The following SPARC variants were observed in gnomAD, a reference collection of about 807,000 sequenced individuals.
SPARC encodes basement-membrane protein 40.
In SPARC, 23 loss-of-function variants were observed where a neutral mutation model predicts 37.7. The ratio of observed to expected loss-of-function variants is 0.61; its 90% CI spans 0.44 to 0.87. The LOEUF (loss-of-function observed/expected upper bound fraction) is 0.87. Among genes scored for constraint, SPARC ranks in the 40% least tolerant of loss-of-function variants. The pLI, the probability that SPARC is intolerant of heterozygous loss-of-function variation, is 0.00. For synonymous variants in SPARC, 155 were observed against 150.8 expected, an observed-to-expected ratio of 1.03 and a Z score of -0.20; for missense variants, 312 against 389.0, an observed-to-expected ratio of 0.80 and a Z score of 1.66.
chr5:151,675,120 C>T (rs1561920988), intron 2 of SPARC, among the ~76,000 whole-genome samples: 2 of 152,182 alleles, frequency 1.3e-5, no homozygotes, highest in Non-Finnish European at 2.9e-5. Flanking sequence ...CTTGCCATTT[C>T]AACTTGGAGT....
rs982161800 is a variant in SPARC, at chr5:151,673,066, G to A, written c.208+63C>T. ...AAGGAGCCTCATGTAGGCTGTCCTC[G>A]TGCCCCAGGCCCAGGCAGCCAAGGG... On this transcript the variant is annotated intron_variant, in intron 4 of 9. Coordinates refer to ENST00000231061, the MANE Select transcript of SPARC (RefSeq NM_003118.4). 3.5e-5 allele frequency: 40 copies of A among 1,156,392 alleles called. 1 individual carries two copies. Among genetic ancestry groups the A allele is most frequent in the Middle Eastern group, 1.9e-4 (1 of 5,240 alleles). The allele number at this position is 1,156,392 out of a possible 1,614,324, so 71.6% of individuals were successfully genotyped here. A position where few individuals can be genotyped will look rare whatever the true frequency, so the allele number is the denominator to read the frequency against.
At chr5:151,676,910 A>G (rs569301325) in intron 1 of SPARC, 1 of 152,328 alleles carries the variant, frequency 6.6e-6, no homozygotes, top group African/African-American at 2.4e-5. Flanking sequence ...ACCCATGGAA[A>G]CTTGAGGGTG....
chr5:151,678,955 G>A (rs1346605779), intron 1 of SPARC: 1 of 152,060 alleles, frequency 6.6e-6, no homozygotes, highest in Non-Finnish European at 1.5e-5. Context: ...ACCTCTCTGA[G>A]GCTCTCTAAA....
intron 1 of SPARC, among the ~76,000 whole-genome samples, chr5:151,683,896 A>G (rs1761067997): frequency 6.6e-6 from 1 of 152,130 alleles, no homozygotes; most frequent in Non-Finnish European, 1.5e-5. Flanking sequence ...TGTTGATGAA[A>G]TCGATGTTTA....
intron 1 of SPARC, chr5:151,685,080 T>G (rs1761099714): frequency 1.3e-5 from 2 of 152,146 alleles, no homozygotes; most frequent in Non-Finnish European, 2.9e-5. Flanking sequence ...GCAACTCGCA[T>G]TCCTCGGAGA....
chr5:151,676,248 A>G, intron 1 of SPARC, 47 bp from the exon 2 acceptor site: 1 of 1,338,296 alleles, frequency 7.5e-7, no homozygotes, highest in South Asian at 1.2e-5. Context: ...AGACTTCCTT[A>G]TGGAGATTTC....
At chr5:151,683,353 C>G (rs1761042952) in intron 1 of SPARC, among the ~76,000 whole-genome samples, 1 of 152,218 alleles carries the variant, frequency 6.6e-6, no homozygotes, top group Non-Finnish European at 1.5e-5. Flanking sequence ...CACTTAGTAT[C>G]CATGGGGCTT....
chr5:151,663,896 C>G (rs755732536), intron 9 of SPARC, among the ~76,000 whole-genome samples, 191 bp downstream of exon 9: 1 of 152,130 alleles, frequency 6.6e-6, no homozygotes, highest in Non-Finnish European at 1.5e-5. Flanking sequence ...GAGAGAGGGA[C>G]AGTTGGATGG....
rs1760542456 is a variant in SPARC, at chr5:151,662,949, G to C, written c.*622C>G. Reference sequence around the variant, plus strand: ...ACTGAAAGGTAAAGGAGGAAATGGTGATGAACTGGGCTTATGTGAGAATGT... The same window carrying C: ...ACTGAAAGGTAAAGGAGGAAATGGTCATGAACTGGGCTTATGTGAGAATGT... On this transcript the variant is annotated 3_prime_UTR_variant, in exon 10 of 10. Coordinates refer to ENST00000231061, the MANE Select transcript of SPARC (RefSeq NM_003118.4). The C allele has an allele frequency of 6.6e-6, 1 of 152,280 alleles. No homozygotes were observed. The highest frequency in any genetic ancestry group is 1.5e-5 in the Non-Finnish European group (1 of 68,072). 9.4% of individuals were successfully genotyped at this position (152,280 alleles called of 1,614,324 possible).
In SPARC at chr5:151,683,674, T is replaced by A. The variant is rs569625134; in HGVS notation, c.-14+3191A>T. ...TGGCGGTGTGTGTTTGTATACCTGA[T>A]GGCATGTCTGTGTAAGTTACATACA... On this transcript the variant is annotated intron_variant, in intron 1 of 9. Coordinates refer to ENST00000231061, the MANE Select transcript of SPARC (RefSeq NM_003118.4). Among the ~76,000 whole-genome samples the A allele has an allele frequency of 3.9e-5, 6 of 152,200 alleles. No homozygotes were observed. The East Asian group carries it at 1.2e-3, about 29-fold the overall frequency.
chr5:151,664,199 AGCAC>A lies in SPARC; in HGVS notation c.767_770del (p.Arg256LeufsTer46). 1 of 1,614,084 alleles carries A rather than the reference AGCAC, an allele frequency of 6.2e-7. No individual in the cohort carries two copies. Among genetic ancestry groups the A allele is most frequent in the Non-Finnish European group, 8.5e-7 (1 of 1,180,006 alleles). Reference sequence around the variant, plus strand: ...TGCAATGCTCCATGGGGATGAGGGGAGCACGCAGTGGAGCCAGCTCGGTGTGGGA... The same window carrying A: ...TGCAATGCTCCATGGGGATGAGGGGAGCAGTGGAGCCAGCTCGGTGTGGGA... On this transcript the variant is annotated frameshift_variant, in exon 9 of 10. Transcript: ENST00000231061. LOFTEE classifies it high-confidence loss of function.
At chr5:151,666,293 G>T in intron 8 of SPARC, 68 bp downstream of exon 8, 1 of 1,525,774 alleles carries the variant, frequency 6.6e-7, no homozygotes, top group Non-Finnish European at 8.9e-7. Flanking sequence ...CTGCTGAGAG[G>T]CTTTCTGGCC....
rs3194455 is a variant in SPARC, at chr5:151,663,031, C to A, written c.*540G>T. 6.6e-6 allele frequency: 1 copy of A among 152,668 alleles called. No homozygotes were observed. The highest frequency in any genetic ancestry group is 1.5e-5 in the Non-Finnish European group (1 of 68,396). The allele number at this position is 152,668 out of a possible 1,614,324, so 9.5% of individuals were successfully genotyped here. A position where few individuals can be genotyped will look rare whatever the true frequency, so the allele number is the denominator to read the frequency against. Reference sequence around the variant, plus strand: ...TCTCTCAGTTACAGCCTCAGGCAAACCACGTTCTGGTTGGTGGGTTCTGCA... The same window carrying A: ...TCTCTCAGTTACAGCCTCAGGCAAAACACGTTCTGGTTGGTGGGTTCTGCA... On this transcript the variant is annotated 3_prime_UTR_variant, in exon 10 of 10. Transcript: ENST00000231061.
At chr5:151,667,707 A>C (rs1760661019) in intron 6 of SPARC, 107 bp from the exon 7 acceptor site, 1 of 1,323,494 alleles carries the variant, frequency 7.6e-7, no homozygotes, top group African/African-American at 1.5e-5. Flanking sequence ...GCCTTGGCAC[A>C]GTGGCTCAAC....
intron 1 of SPARC, among the ~76,000 whole-genome samples, chr5:151,682,953 A>G (rs1012675829): frequency 2.0e-5 from 3 of 152,192 alleles, no homozygotes; most frequent in Admixed American, 6.5e-5. Context: ...CTATAGCTTG[A>G]TGGGTGAGAG....
rs1465869539 is a variant in SPARC, at chr5:151,664,379, C to A, written c.735-144G>T. On this transcript the variant is annotated intron_variant, in intron 8 of 9. Coordinates refer to ENST00000231061, the MANE Select transcript of SPARC (RefSeq NM_003118.4). ...ACAAAAAGCCAGAATCCCAGGTCTA[C>A]CCCTAGCTCTGCCACTGACTGCTCT... is the stretch of plus-strand genomic sequence containing the variant. The A allele has an allele frequency of 4.2e-5, 30 of 718,642 alleles. No individual in the cohort carries two copies. In the East Asian group the frequency reaches 7.8e-4, roughly 19 times the overall value. 44.5% of individuals were successfully genotyped at this position (718,642 alleles called of 1,614,324 possible). A position where few individuals can be genotyped will look rare whatever the true frequency, so the allele number is the denominator to read the frequency against.
rs1561914857 is a variant in SPARC at position 151,663,324 on chromosome 5, T to C, written c.*247A>G. The stretch of plus-strand genomic sequence containing the variant: ...GTGCCAATAAGACAATGGGCAAAGC[T>C]ACAAATGGCAAGAGAAAAATGGGAC... On this transcript the variant is annotated 3_prime_UTR_variant, in exon 10 of 10. Coordinates refer to ENST00000231061, the MANE Select transcript of SPARC (RefSeq NM_003118.4). 1.7e-5 allele frequency: 9 copies of C among 526,114 alleles called. No individual in the cohort carries two copies. The highest frequency in any genetic ancestry group is 1.5e-4 in the South Asian group (6 of 40,874). 32.6% of individuals were successfully genotyped at this position (526,114 alleles called of 1,614,324 possible).
Position 151,663,523 on chromosome 5 carries a change from C to A in SPARC, c.*48G>T. The A allele has an allele frequency of 6.3e-7, 1 of 1,575,288 alleles. No homozygotes were observed. The highest frequency in any genetic ancestry group is 8.7e-7 in the Non-Finnish European group (1 of 1,145,808). ...AACATTTTAAACATTGGGGGAAACA[C>A]GAAGGGGAGGGTTAAAGAGAGAATC... is the stretch of plus-strand genomic sequence containing the variant. On this transcript the variant is annotated 3_prime_UTR_variant, in exon 10 of 10. Coordinates refer to ENST00000231061, the MANE Select transcript of SPARC (RefSeq NM_003118.4).
intron 1 of SPARC, chr5:151,686,075 T>A (rs1304860053): frequency 1.3e-5 from 2 of 152,134 alleles, no homozygotes; most frequent in African/African-American, 4.8e-5. Flanking sequence ...CTTCTGAGAA[T>A]ATCTCCCCCA....
Sources: allele counts gnomAD v4.1 joint callset (sites outside exome capture counted in the v4.1 genomes callset), GRCh38; gene constraint gnomAD v4.1.1; transcripts MANE v1.5; gene names NCBI Gene and HGNC (gene_info 2026-07-23, HGNC 2026-07-21).